Variants in ASAP3 observed in about 807,000 individuals in gnomAD.
The protein encoded by ASAP3 is ArfGAP with SH3 domain, ankyrin repeat and PH domain 3.
Under a neutral mutation model 118.2 loss-of-function variants are expected in ASAP3, and 85 were observed. The observed-to-expected ratio is 0.72, with a 90% CI of 0.60 to 0.86. The LOEUF (loss-of-function observed/expected upper bound fraction) is 0.86. ASAP3 is among the 40% of genes least tolerant of loss of function. The pLI is 0.00. For synonymous variants in ASAP3, 432 were observed against 477.4 expected, an observed-to-expected ratio of 0.90 and a Z score of 1.24; for missense variants, 1,026 against 1,175.0, an observed-to-expected ratio of 0.87 and a Z score of 1.85.
intron 5 of ASAP3, among the ~76,000 whole-genome samples, chr1:23,449,374 T>A (rs2148627729): frequency 6.6e-6 from 1 of 152,322 alleles, no homozygotes; most frequent in African/African-American, 2.4e-5. Flanking sequence ...TAGATAAATT[T>A]GGCCTCTGTA....
At chr1:23,467,971 AAAAG>A (rs1169587845) in intron 1 of ASAP3, among the ~76,000 whole-genome samples, 1 of 151,912 alleles carries the variant, frequency 6.6e-6, no homozygotes, top group Non-Finnish European at 1.5e-5. Context: ...AAAAAAAAGA[AAAAG>A]AAAAAAAAAA....
chr1:23,435,708 C>T (rs1640624478), intron 17 of ASAP3, 143 bp downstream of exon 17: 1 of 977,512 alleles, frequency 1.0e-6, no homozygotes, highest in Non-Finnish European at 1.6e-6. Flanking sequence ...TGAAGCTGTG[C>T]TCTTTCCCAC....
intron 17 of ASAP3, among the ~76,000 whole-genome samples, chr1:23,435,286 C>T (rs1027082522): frequency 8.5e-5 from 13 of 152,212 alleles, no homozygotes; most frequent in African/African-American, 2.7e-4. Flanking sequence ...ACTTTGGCCT[C>T]CCAAAGTGTT....
chr1:23,481,548 C>T (rs1443519904), intron 1 of ASAP3, among the ~76,000 whole-genome samples: 1 of 152,196 alleles, frequency 6.6e-6, no homozygotes, highest in Non-Finnish European at 1.5e-5. Context: ...AAGAGAAAAG[C>T]TGTGTTTGGG....
chr1:23,467,731 C>T (rs1641820621), intron 1 of ASAP3, among the ~76,000 whole-genome samples: 1 of 151,844 alleles, frequency 6.6e-6, no homozygotes, highest in African/African-American at 2.4e-5. Context: ...GGAGGTGGAT[C>T]ACGAGGTCAG....
chr1:23,442,347 C>T, intron 6 of ASAP3, 76 bp from the exon 7 acceptor site: 1 of 1,565,332 alleles, frequency 6.4e-7, no homozygotes, highest in South Asian at 1.2e-5. Context: ...CAGTCCCCAT[C>T]CCAGGCTAAT....
intron 3 of ASAP3, among the ~76,000 whole-genome samples, chr1:23,453,516 T>C (rs954853196): frequency 1.3e-5 from 2 of 152,154 alleles, no homozygotes; most frequent in Non-Finnish European, 2.9e-5. Context: ...ACAGAGAAAC[T>C]ACCTTAAGAG....
chr1:23,452,165 G>A (rs1641236448), intron 4 of ASAP3, among the ~76,000 whole-genome samples: 1 of 152,184 alleles, frequency 6.6e-6, no homozygotes, highest in Non-Finnish European at 1.5e-5. Flanking sequence ...CTGGTGCCAC[G>A]CTGGCAGCCT....
intron 1 of ASAP3, among the ~76,000 whole-genome samples, chr1:23,467,741 G>C (rs1641821278): frequency 6.6e-6 from 1 of 151,908 alleles, no homozygotes; most frequent in South Asian, 2.1e-4. Context: ...CACGAGGTCA[G>C]GAGTTCAAGA....
intron 1 of ASAP3, among the ~76,000 whole-genome samples, chr1:23,457,532 T>C (rs1224499290): frequency 2.6e-5 from 4 of 152,170 alleles, no homozygotes; most frequent in East Asian, 3.8e-4. Flanking sequence ...CCTATTTTTT[T>C]TGAGACCAAG....
At chr1:23,469,793 G>A (rs1641901774) in intron 1 of ASAP3, among the ~76,000 whole-genome samples, 1 of 152,162 alleles carries the variant, frequency 6.6e-6, no homozygotes, top group South Asian at 2.1e-4. Context: ...GGCTGGGGTA[G>A]GTTAGGCAGT....
intron 6 of ASAP3, 78 bp downstream of exon 6, chr1:23,442,423 G>A (rs1640905185): frequency 6.3e-7 from 1 of 1,596,338 alleles, no homozygotes; most frequent in South Asian, 1.1e-5. Context: ...CTGAGCTGAG[G>A]CTGTGACTGG....
chr1:23,443,894 T>A (rs1315313791), intron 5 of ASAP3, among the ~76,000 whole-genome samples: 4 of 152,058 alleles, frequency 2.6e-5, no homozygotes, highest in African/African-American at 9.7e-5. Flanking sequence ...CTAATTTTTT[T>A]GTATTTTTAG....
At chr1:23,472,208 T>C (rs1199845702) in intron 1 of ASAP3, among the ~76,000 whole-genome samples, 1 of 152,206 alleles carries the variant, frequency 6.6e-6, no homozygotes, top group Admixed American at 6.5e-5. Flanking sequence ...GAATTGTACA[T>C]TTTAAAATGG....
Position 23,438,971 on chromosome 1 carries a change from A to G in ASAP3, c.1015-137T>C, listed in dbSNP as rs1209568803. ...TTTCTCCTCACCCAGCAGCACCTCAAGGATGTGAAGTGTAGACTAAGACTA... is the reference window on the plus strand; with the variant it reads ...TTTCTCCTCACCCAGCAGCACCTCAGGGATGTGAAGTGTAGACTAAGACTA... On this transcript the variant is annotated intron_variant, in intron 11 of 24. Coordinates refer to ENST00000336689, the MANE Select transcript of ASAP3 (RefSeq NM_017707.4). The surrounding 1 kb of genome is among the most constrained non-coding windows in gnomAD (Gnocchi z 4.9). 51 of 1,122,308 alleles carry G rather than the reference A, an allele frequency of 4.5e-5. No homozygotes were observed. Among genetic ancestry groups the G allele is most frequent in the Non-Finnish European group, 6.2e-5 (48 of 768,096 alleles). The allele number at this position is 1,122,308 out of a possible 1,614,324, so 69.5% of individuals were successfully genotyped here.
intron 7 of ASAP3, 56 bp downstream of exon 7, chr1:23,442,130 G>C: frequency 5.2e-6 from 8 of 1,524,802 alleles, no homozygotes; most frequent in Non-Finnish European, 7.2e-6. Flanking sequence ...CCTTGAGAGG[G>C]GCCTTGTTCT....
intron 1 of ASAP3, 112 bp downstream of exon 1, chr1:23,483,893 G>A (rs1456118549): frequency 2.7e-6 from 3 of 1,094,752 alleles, no homozygotes; most frequent in African/African-American, 1.6e-5. Context: ...TAGGGAGGGG[G>A]CAGGTTTCGG....
intron 17 of ASAP3, 37 bp from the exon 18 acceptor site, chr1:23,434,655 A>ACC (rs1558110708): frequency 4.4e-6 from 7 of 1,583,318 alleles, no homozygotes; most frequent in Non-Finnish European, 6.0e-6. Flanking sequence ...TTCCCCCCCC[A>ACC]GTGCACCTGC....
At chr1:23,477,698 T>G (rs1220768591) in intron 1 of ASAP3, among the ~76,000 whole-genome samples, 1 of 152,042 alleles carries the variant, frequency 6.6e-6, no homozygotes, top group Non-Finnish European at 1.5e-5. Flanking sequence ...ACTTCTGACT[T>G]ATTTGTTCTT....
Sources: gnomAD v4.1 joint callset for allele counts (sites outside exome capture counted in the v4.1 genomes callset) on GRCh38, gnomAD v4.1.1 for gene constraint, Gnocchi (gnomAD v3.1) non-coding constraint, MANE v1.5 for transcripts, NCBI Gene and HGNC (gene_info 2026-07-23, HGNC 2026-07-21) for gene names.